Variants in PHF24 observed in about 807,000 individuals in gnomAD.
The protein encoded by PHF24 is Galpha inhibitory interacting protein.
PHF24 carries 25 observed loss-of-function variants against 42.6 expected under a neutral mutation model. The observed-to-expected ratio is 0.59, with a 90% confidence interval of 0.43 to 0.82. The LOEUF is 0.82. Ranked by LOEUF, PHF24 falls within the 40% of genes least tolerant of loss-of-function variation. The pLI is 0.00. For missense variants in PHF24, 470 were observed against 538.1 expected, an observed-to-expected ratio of 0.87 and a Z score of 1.25; for synonymous variants, 185 against 204.8, an observed-to-expected ratio of 0.90 and a Z score of 0.83.
the PHF24 span, among the ~76,000 whole-genome samples, chr9:34,691,843 C>T: frequency 4.6e-5 from 7 of 152,212 alleles, no homozygotes; most frequent in Non-Finnish European, 7.3e-5. Context: ...TCCCACATCT[C>T]AGGCCTCTGG....
the PHF24 span, among the ~76,000 whole-genome samples, chr9:34,888,441 C>A: frequency 5.3e-5 from 8 of 152,250 alleles, no homozygotes; most frequent in East Asian, 1.5e-3. Flanking sequence ...TTTTAGGGAT[C>A]TCTTCATCAA....
chr9:34,881,594 T>C, the PHF24 span, among the ~76,000 whole-genome samples: 1,874 of 152,188 alleles, frequency 0.012, 30 homozygotes, highest in South Asian at 0.049. Flanking sequence ...TCTACACAAA[T>C]AAACTAGAAA....
chr9:34,806,552 G>C, the PHF24 span, among the ~76,000 whole-genome samples: 1 of 152,112 alleles, frequency 6.6e-6, no homozygotes, highest in East Asian at 1.9e-4. Context: ...TCCACCTCCT[G>C]GGTTCAAGCA....
At chr9:34,687,639 C>T in the PHF24 span, among the ~76,000 whole-genome samples, 1 of 152,244 alleles carries the variant, frequency 6.6e-6, no homozygotes, top group Non-Finnish European at 1.5e-5. Flanking sequence ...GGTTCCCACT[C>T]TCACCTGCCC....
At chr9:34,825,263 G>A in the PHF24 span, among the ~76,000 whole-genome samples, 7 of 151,950 alleles carry the variant, frequency 4.6e-5, no homozygotes, top group South Asian at 2.1e-4. Context: ...GTGTATAGGC[G>A]AAGGATGAGG....
At chr9:34,892,193 G>A in the PHF24 span, among the ~76,000 whole-genome samples, 1 of 152,140 alleles carries the variant, frequency 6.6e-6, no homozygotes, top group Admixed American at 6.5e-5. Context: ...CTGAAAGAGA[G>A]GAGAGGGTAG....
chr9:34,873,043 A>T, the PHF24 span, among the ~76,000 whole-genome samples: 1 of 148,426 alleles, frequency 6.7e-6, no homozygotes, highest in African/African-American at 2.5e-5. Context: ...CCACTTTTTG[A>T]TGGGGTTGTT....
chr9:34,972,245 G>A (rs1827018492), intron 2 of PHF24, 101 bp from the exon 3 acceptor site: 1 of 1,051,410 alleles, frequency 9.5e-7, no homozygotes, highest in Non-Finnish European at 1.4e-6. Context: ...AGGCTAATCT[G>A]GGAAGACTCA....
the PHF24 span, among the ~76,000 whole-genome samples, chr9:34,911,879 A>C: frequency 6.6e-6 from 1 of 152,192 alleles, no homozygotes. Context: ...AGAACAATCC[A>C]AATGGAGGCA....
the PHF24 span, among the ~76,000 whole-genome samples, chr9:34,933,222 CAT>C: frequency 2.6e-3 from 397 of 152,208 alleles, 1 homozygote; most frequent in African/African-American, 8.8e-3. Context: ...AGTGAATAAA[CAT>C]GTGTATGCAT....
At chr9:34,947,358 G>T in the PHF24 span, among the ~76,000 whole-genome samples, 5 of 151,972 alleles carry the variant, frequency 3.3e-5, no homozygotes, top group African/African-American at 1.2e-4. Context: ...AAGTCACAGC[G>T]CAGCACATTA....
chr9:34,879,673 A>C, the PHF24 span, among the ~76,000 whole-genome samples: 1 of 152,168 alleles, frequency 6.6e-6, no homozygotes, highest in South Asian at 2.1e-4. Flanking sequence ...AAAAAGAAAC[A>C]AAACCTCCAA....
the PHF24 span, among the ~76,000 whole-genome samples, chr9:34,738,004 C>T: frequency 6.8e-6 from 1 of 147,780 alleles, no homozygotes; most frequent in Non-Finnish European, 1.5e-5. Context: ...CCCTGAGTAG[C>T]CATACAGAAA....
At chr9:34,846,523 C>T in the PHF24 span, among the ~76,000 whole-genome samples, 190 of 151,754 alleles carry the variant, frequency 1.3e-3, no homozygotes, top group Middle Eastern at 0.01. Flanking sequence ...GAGTAGGTTG[C>T]AAAAATTTTC....
At chr9:34,677,070 A>G in the PHF24 span, among the ~76,000 whole-genome samples, 2 of 151,674 alleles carry the variant, frequency 1.3e-5, no homozygotes, top group Non-Finnish European at 2.9e-5. Context: ...GATTCTCAAC[A>G]CCTCCCTCCT....
the PHF24 span, among the ~76,000 whole-genome samples, chr9:34,798,729 C>T: frequency 6.6e-6 from 1 of 152,012 alleles, no homozygotes; most frequent in Non-Finnish European, 1.5e-5. Context: ...GGGTATATAC[C>T]CAGTAATGGG....
the PHF24 span, among the ~76,000 whole-genome samples, chr9:34,823,707 A>G: frequency 6.6e-6 from 1 of 152,144 alleles, no homozygotes; most frequent in South Asian, 2.1e-4. Flanking sequence ...GTCAGAAAAC[A>G]GCTGCCCTGA....
chr9:34,671,829 A>G, the PHF24 span, among the ~76,000 whole-genome samples: 1 of 151,810 alleles, frequency 6.6e-6, no homozygotes, highest in South Asian at 2.1e-4. Context: ...CCATCCATCC[A>G]TCCATCCATC....
At chr9:34,917,282 T>C in the PHF24 span, 1 of 1,055,886 alleles carries the variant, frequency 9.5e-7, no homozygotes, top group Non-Finnish European at 1.5e-6. Flanking sequence ...TCGATGGTAC[T>C]GGAAAAGGAC....
Sources: gnomAD v4.1 joint callset for allele counts (sites outside exome capture counted in the v4.1 genomes callset) on GRCh38, gnomAD v4.1.1 for gene constraint, MANE v1.5 for transcripts, NCBI Gene and HGNC (gene_info 2026-07-23, HGNC 2026-07-21) for gene names.